Variants in RABGAP1L observed in about 807,000 individuals in gnomAD.
The protein encoded by RABGAP1L is rab GTPase-activating protein 1-like.
Under a neutral mutation model 137.7 loss-of-function variants are expected in RABGAP1L, and 63 were observed. The observed-to-expected ratio is 0.46, with a 90% CI of 0.37 to 0.56. RABGAP1L has a LOEUF of 0.56. Ranked by LOEUF, RABGAP1L falls within the 20% of genes least tolerant of loss-of-function variation. The probability of loss-of-function intolerance (pLI) is 0.00; values close to 1 mark genes in which losing one functional copy is unlikely to be tolerated. For synonymous variants in RABGAP1L, 431 were observed against 433.7 expected (o/e 0.99, Z 0.08); for missense variants, 1,095 against 1,244.0 (o/e 0.88, Z 1.80).
intron 19 of RABGAP1L, among the ~76,000 whole-genome samples, chr1:174,892,212 G>A (rs1453511742): frequency 6.6e-6 from 1 of 152,242 alleles, no homozygotes; most frequent in East Asian, 1.9e-4. Context: ...GTAGCTACCA[G>A]CTGCCCTCTC....
chr1:174,537,637 T>G (rs1174861330), intron 13 of RABGAP1L, among the ~76,000 whole-genome samples: 2 of 152,310 alleles, frequency 1.3e-5, no homozygotes, highest in East Asian at 3.9e-4. Flanking sequence ...CGGGCACCTG[T>G]ACTACTATGG....
chr1:174,542,624 G>A (rs1190816698), intron 13 of RABGAP1L, among the ~76,000 whole-genome samples: 1 of 151,786 alleles, frequency 6.6e-6, no homozygotes, highest in East Asian at 1.9e-4. Flanking sequence ...GTTATTTCTT[G>A]CCTTCTGCTG....
chr1:174,612,781 T>C (rs1182788848), intron 13 of RABGAP1L, among the ~76,000 whole-genome samples: 3 of 152,248 alleles, frequency 2.0e-5, no homozygotes, highest in African/African-American at 7.2e-5. Context: ...TGGTTTAGTC[T>C]TGGGAGAGTG....
chr1:174,733,570 C>A (rs1682688091), intron 17 of RABGAP1L, among the ~76,000 whole-genome samples: 1 of 152,214 alleles, frequency 6.6e-6, no homozygotes, highest in Non-Finnish European at 1.5e-5. Flanking sequence ...CCTTTGGGCT[C>A]CCCCTGTCCC....
At chr1:174,252,646 T>G (rs2148600778) in intron 7 of RABGAP1L, 56 bp downstream of exon 7, 1 of 1,572,212 alleles carries the variant, frequency 6.4e-7, no homozygotes, top group Non-Finnish European at 8.6e-7. Context: ...TGTTACTGTC[T>G]CAGATGCATT....
intron 13 of RABGAP1L, among the ~76,000 whole-genome samples, chr1:174,602,156 G>C (rs1165588301): frequency 1.3e-5 from 2 of 152,044 alleles, no homozygotes; most frequent in East Asian, 3.9e-4. Context: ...CCCACTCTAT[G>C]GGTACCAATT....
At chr1:174,503,250 A>G (rs189232603) in intron 13 of RABGAP1L, among the ~76,000 whole-genome samples, 1 of 152,380 alleles carries the variant, frequency 6.6e-6, no homozygotes, top group African/African-American at 2.4e-5. Context: ...ACTATGGCAG[A>G]GATGAATTGT....
intron 19 of RABGAP1L, among the ~76,000 whole-genome samples, chr1:174,941,174 C>A (rs1665804480): frequency 6.6e-6 from 1 of 152,178 alleles, no homozygotes; most frequent in African/African-American, 2.4e-5. Flanking sequence ...TCCCTATACC[C>A]CTCTCATAGC....
intron 12 of RABGAP1L, among the ~76,000 whole-genome samples, chr1:174,372,409 C>T (rs914208747): frequency 1.3e-5 from 2 of 151,780 alleles, no homozygotes; most frequent in African/African-American, 4.8e-5. Context: ...CTTTTTTCGG[C>T]GGGGGGATGT....
intron 13 of RABGAP1L, among the ~76,000 whole-genome samples, chr1:174,439,420 A>G (rs1475701151): frequency 5.9e-5 from 9 of 152,250 alleles, no homozygotes; most frequent in Non-Finnish European, 2.9e-5. Flanking sequence ...CTTGGCACTT[A>G]GACCAAGTTG....
chr1:174,402,422 A>G (rs1291768471), intron 13 of RABGAP1L, among the ~76,000 whole-genome samples: 1 of 152,164 alleles, frequency 6.6e-6, no homozygotes, highest in Admixed American at 6.5e-5. Flanking sequence ...ATGAAAATTT[A>G]TAATTCAGAA....
chr1:174,553,871 A>G (rs1273281348), intron 13 of RABGAP1L, among the ~76,000 whole-genome samples: 1 of 152,208 alleles, frequency 6.6e-6, no homozygotes, highest in Non-Finnish European at 1.5e-5. Flanking sequence ...ACACACCTGT[A>G]GTCCCAGCTC....
At chr1:174,819,738 G>A (rs1690827060) in intron 19 of RABGAP1L, among the ~76,000 whole-genome samples, 3 of 152,096 alleles carry the variant, frequency 2.0e-5, no homozygotes, top group African/African-American at 2.4e-5. Context: ...GATGACAGTT[G>A]ATATCCAGGG....
intron 17 of RABGAP1L, among the ~76,000 whole-genome samples, chr1:174,710,504 G>T (rs1186432084): frequency 1.3e-5 from 2 of 152,240 alleles, no homozygotes; most frequent in East Asian, 3.8e-4. Flanking sequence ...CAAGCTAGAA[G>T]AGAGTGGGGG....
intron 11 of RABGAP1L, among the ~76,000 whole-genome samples, chr1:174,331,896 A>G (rs1005332514): frequency 3.7e-5 from 5 of 136,324 alleles, no homozygotes; most frequent in Non-Finnish European, 7.5e-5. Flanking sequence ...CTCATTGTTC[A>G]GTTTCCACCT....
intron 7 of RABGAP1L, among the ~76,000 whole-genome samples, chr1:174,259,437 ATTACT>A (rs1673395390): frequency 6.6e-6 from 1 of 152,220 alleles, no homozygotes; most frequent in African/African-American, 2.4e-5. Context: ...AGGCTATAAA[ATTACT>A]TTTTAACTAA....
At chr1:174,937,918 G>A (rs767376018) in intron 19 of RABGAP1L, among the ~76,000 whole-genome samples, 2 of 148,478 alleles carry the variant, frequency 1.3e-5, no homozygotes, top group African/African-American at 5.0e-5. Flanking sequence ...TCATCATGTT[G>A]GTCAGGCTGG....
intron 13 of RABGAP1L, among the ~76,000 whole-genome samples, chr1:174,626,689 CT>C (rs1174117150): frequency 6.6e-6 from 1 of 152,172 alleles, no homozygotes; most frequent in Non-Finnish European, 1.5e-5. Flanking sequence ...GGAACAAAGG[CT>C]GGCAATGATC....
At chr1:174,720,410 C>G (rs2148588669) in intron 17 of RABGAP1L, among the ~76,000 whole-genome samples, 1 of 151,966 alleles carries the variant, frequency 6.6e-6, no homozygotes, top group South Asian at 2.1e-4. Flanking sequence ...GCCTCCAGAG[C>G]TCAAGCACTC....
Sources: allele counts gnomAD v4.1 joint callset (sites outside exome capture counted in the v4.1 genomes callset), GRCh38; gene constraint gnomAD v4.1.1; transcripts MANE v1.5; gene names NCBI Gene and HGNC (gene_info 2026-07-23, HGNC 2026-07-21).